The following GOLIM4 variants were observed in gnomAD, a reference collection of about 807,000 sequenced individuals.
GOLIM4 encodes the protein golgi integral membrane protein 4.
GOLIM4 carries 71 observed loss-of-function variants against 107.4 expected under a neutral mutation model. The observed-to-expected ratio is 0.66, with a 90% CI of 0.55 to 0.81. GOLIM4 has a LOEUF of 0.81. Ranked by LOEUF, GOLIM4 falls within the 30% of genes least tolerant of loss-of-function variation. The pLI is 0.00. For missense variants in GOLIM4, 830 were observed against 826.1 expected (o/e 1.00, Z -0.06); for synonymous variants, 327 against 294.8 (o/e 1.11, Z -1.12).
rs1019117618 is a variant in GOLIM4 at position 168,015,143 on chromosome 3, A to T, written c.1861-4320T>A. 6.7e-5 allele frequency among the ~76,000 whole-genome samples: 10 copies of T among 148,452 alleles called. No homozygotes were observed. In the East Asian group the frequency reaches 1.8e-3, roughly 26 times the overall value. On this transcript the variant is annotated intron_variant, in intron 14 of 15. Transcript: ENST00000470487. Reference sequence around the variant, plus strand: ...CATGATTGTATATCTAGAAAACCCCACTGTCTCAGCCCAAAATCTCCTTAA... The same window carrying T: ...CATGATTGTATATCTAGAAAACCCCTCTGTCTCAGCCCAAAATCTCCTTAA...
chr3:168,057,542 T>C (rs1282134281), intron 1 of GOLIM4, among the ~76,000 whole-genome samples: 1 of 152,058 alleles, frequency 6.6e-6, no homozygotes, highest in Admixed American at 6.5e-5. Context: ...CATCAGATCT[T>C]GTAAGAACTC....
At chr3:168,063,537 G>C (rs1298319871) in intron 1 of GOLIM4, among the ~76,000 whole-genome samples, 1 of 152,108 alleles carries the variant, frequency 6.6e-6, no homozygotes, top group East Asian at 1.9e-4. Flanking sequence ...ACTCTGAATA[G>C]GGTATCTTCC....
intron 1 of GOLIM4, among the ~76,000 whole-genome samples, chr3:168,085,992 C>A (rs1181275605): frequency 6.6e-6 from 1 of 152,054 alleles, no homozygotes; most frequent in African/African-American, 2.4e-5. Context: ...AGGGGCCTCA[C>A]CCACACCTGG....
At chr3:168,021,559 G>A (rs1047045550) in intron 14 of GOLIM4, among the ~76,000 whole-genome samples, 6 of 152,060 alleles carry the variant, frequency 3.9e-5, no homozygotes, top group Admixed American at 1.3e-4. Context: ...CCAGCTACTC[G>A]GGAGGCTGAG....
chr3:168,093,390 AT>A (rs1722003296), intron 1 of GOLIM4, among the ~76,000 whole-genome samples: 1 of 152,214 alleles, frequency 6.6e-6, no homozygotes, highest in South Asian at 2.1e-4. Context: ...GATTCCCCTA[AT>A]GAGTGTCAGG....
At chr3:168,059,363 A>G (rs533476671) in intron 1 of GOLIM4, among the ~76,000 whole-genome samples, 11 of 152,350 alleles carry the variant, frequency 7.2e-5, no homozygotes, top group Admixed American at 5.9e-4. Flanking sequence ...ACACAAGTTA[A>G]CTCACCTTCA....
At chr3:168,075,274 G>A (rs966390731) in intron 1 of GOLIM4, among the ~76,000 whole-genome samples, 5 of 149,976 alleles carry the variant, frequency 3.3e-5, no homozygotes, top group Admixed American at 1.3e-4. Flanking sequence ...GGTAATTGGC[G>A]GACATTCACT....
rs374925119 is a variant in GOLIM4, at chr3:168,060,752, G to A, written c.188-12387C>T. Among the ~76,000 whole-genome samples the A allele has an allele frequency of 5.9e-5, 9 of 152,276 alleles. No homozygotes were observed. In the East Asian group the frequency reaches 9.6e-4, roughly 16 times the overall value. Reference sequence around the variant, plus strand: ...GGCCCAACTCAAATCTACTGAATCCGAATTTACTGGCAATCTGAAAGTTTA... The same window carrying A: ...GGCCCAACTCAAATCTACTGAATCCAAATTTACTGGCAATCTGAAAGTTTA... On this transcript the variant is annotated intron_variant, in intron 1 of 15. Transcript: ENST00000470487.
chr3:168,060,992 C>T (rs1277091026), intron 1 of GOLIM4, among the ~76,000 whole-genome samples: 1 of 152,088 alleles, frequency 6.6e-6, no homozygotes, highest in Non-Finnish European at 1.5e-5. Flanking sequence ...TTAATGGATT[C>T]ATTAGCAGGT....
intron 1 of GOLIM4, among the ~76,000 whole-genome samples, chr3:168,078,548 T>C (rs2108286014): frequency 6.6e-6 from 1 of 152,288 alleles, no homozygotes; most frequent in Middle Eastern, 3.4e-3. Flanking sequence ...ACAGCTAGTT[T>C]AACGACTCAC....
chr3:168,091,704 G>T (rs1721926984), intron 1 of GOLIM4, among the ~76,000 whole-genome samples: 1 of 152,122 alleles, frequency 6.6e-6, no homozygotes, highest in Non-Finnish European at 1.5e-5. Context: ...CCTACTATAT[G>T]CCAAGTATGT....
At chr3:168,068,844 T>A (rs996047046) in intron 1 of GOLIM4, among the ~76,000 whole-genome samples, 1 of 149,794 alleles carries the variant, frequency 6.7e-6, no homozygotes, top group Non-Finnish European at 1.5e-5. Flanking sequence ...TTTATTTTTT[T>A]TTTTTTTTTG....
chr3:168,066,164 G>A (rs972016300), intron 1 of GOLIM4, among the ~76,000 whole-genome samples: 1 of 151,498 alleles, frequency 6.6e-6, no homozygotes, highest in African/African-American at 2.4e-5. Flanking sequence ...GATTAGGGCC[G>A]AAGGGCTTAA....
Position 168,044,826 on chromosome 3 carries a change from A to T in GOLIM4, c.366+2T>A. On this transcript the variant is annotated splice_donor_variant, in intron 4 of 15. Coordinates refer to ENST00000470487, the MANE Select transcript of GOLIM4 (RefSeq NM_014498.5). LOFTEE classifies it high-confidence loss of function. The stretch of plus-strand genomic sequence containing the variant: ...CATAAATAACAACTTTAGATTACTC[A>T]CTTTCAACATCTGATGTTGGACATT... 1 of 1,506,840 alleles carries T rather than the reference A, an allele frequency of 6.6e-7. No individual in the cohort carries two copies. The highest frequency in any genetic ancestry group is 1.2e-5 in the South Asian group (1 of 82,994). 93.3% of individuals were successfully genotyped at this position (1,506,840 alleles called of 1,614,324 possible).
At chr3:168,033,873 G>A (rs1198963453) in intron 8 of GOLIM4, among the ~76,000 whole-genome samples, 1 of 151,934 alleles carries the variant, frequency 6.6e-6, no homozygotes, top group Non-Finnish European at 1.5e-5. Context: ...CTCCCTATAA[G>A]TTTCAGCGAT....
At chr3:168,078,688 T>A (rs1721188267) in intron 1 of GOLIM4, among the ~76,000 whole-genome samples, 1 of 152,204 alleles carries the variant, frequency 6.6e-6, no homozygotes, top group African/African-American at 2.4e-5. Flanking sequence ...TTTGTTAACT[T>A]GTTTCAGGAA....
chr3:168,024,694 C>T, intron 13 of GOLIM4, 100 bp from the exon 14 acceptor site: 1 of 1,025,072 alleles, frequency 9.8e-7, no homozygotes, highest in Admixed American at 1.8e-5. Context: ...ATGAAAAGGG[C>T]ACTTTCAAAG....
At chr3:168,043,305 A>G (rs1475205303) in intron 5 of GOLIM4, 74 bp downstream of exon 5, 7 of 1,010,406 alleles carry the variant, frequency 6.9e-6, no homozygotes, top group African/African-American at 1.6e-5. Context: ...TCAAAACAAC[A>G]GTCTACAGTT....
intron 1 of GOLIM4, among the ~76,000 whole-genome samples, chr3:168,051,992 G>A (rs932012040): frequency 1.3e-5 from 2 of 152,144 alleles, no homozygotes; most frequent in African/African-American, 4.8e-5. Flanking sequence ...GAAAGAAGAG[G>A]AGGAGAGGGA....
Sources: gnomAD v4.1 joint callset for allele counts (sites outside exome capture counted in the v4.1 genomes callset) on GRCh38, gnomAD v4.1.1 for gene constraint, MANE v1.5 for transcripts, NCBI Gene and HGNC (gene_info 2026-07-23, HGNC 2026-07-21) for gene names.